Variants in NTM observed in about 807,000 individuals in gnomAD.
NTM encodes the protein neurotrimin.
In NTM, 13 loss-of-function variants were observed where a neutral mutation model predicts 42.1. The ratio of observed to expected loss-of-function variants is 0.31; its 90% CI spans 0.20 to 0.49. NTM has a LOEUF of 0.49. Ranked by LOEUF, NTM falls within the 20% of genes least tolerant of loss-of-function variation. The probability of loss-of-function intolerance (pLI) is 0.99; values close to 1 mark genes in which losing one functional copy is unlikely to be tolerated. For synonymous variants in NTM, 187 were observed against 179.2 expected (o/e 1.04, Z -0.35); for missense variants, 373 against 452.8 (o/e 0.82, Z 1.60).
intron 2 of NTM, among the ~76,000 whole-genome samples, chr11:132,032,451 G>A (rs1252247813): frequency 6.6e-6 from 1 of 152,168 alleles, no homozygotes; most frequent in South Asian, 2.1e-4. Flanking sequence ...CTTGAATGTA[G>A]TGAAAGTATT....
At chr11:131,818,078 C>T (rs1308314482) in intron 1 of NTM, among the ~76,000 whole-genome samples, 1 of 152,186 alleles carries the variant, frequency 6.6e-6, no homozygotes, top group African/African-American at 2.4e-5. Context: ...TGGCACCCAC[C>T]AGTCATCAAC....
chr11:131,708,996 G>A (rs1272341431), intron 1 of NTM, among the ~76,000 whole-genome samples: 5 of 152,138 alleles, frequency 3.3e-5, no homozygotes, highest in African/African-American at 7.2e-5. Flanking sequence ...GAACAAATGC[G>A]TGAAAGCCAC....
intron 1 of NTM, among the ~76,000 whole-genome samples, chr11:131,465,149 A>ACCCT (rs914794938): frequency 9.2e-5 from 14 of 152,076 alleles, no homozygotes; most frequent in Admixed American, 3.3e-4. Context: ...CAGTGGCATG[A>ACCCT]CCCTCCCATT....
chr11:131,499,690 A>T (rs745682423), intron 1 of NTM, among the ~76,000 whole-genome samples: 2 of 152,030 alleles, frequency 1.3e-5, no homozygotes, highest in South Asian at 4.2e-4. Context: ...CTCCCCTGCT[A>T]ACAATTCTCC....
intron 1 of NTM, chr11:131,911,353 G>T: frequency 6.6e-7 from 1 of 1,523,228 alleles, no homozygotes. Flanking sequence ...TCCTCCCCGC[G>T]CCTCCCGGTC....
chr11:132,052,552 G>A (rs2079001040), intron 2 of NTM, among the ~76,000 whole-genome samples: 1 of 152,294 alleles, frequency 6.6e-6, no homozygotes, highest in Admixed American at 6.5e-5. Flanking sequence ...TTCCAGAAGA[G>A]TGATAGATAA....
intron 1 of NTM, among the ~76,000 whole-genome samples, chr11:131,763,465 A>G (rs1226491168): frequency 6.6e-6 from 1 of 152,212 alleles, no homozygotes; most frequent in Non-Finnish European, 1.5e-5. Flanking sequence ...AAATTTTGAG[A>G]TAATTTAAAA....
At position 132,253,400 on chromosome 11, in the gene NTM, T is replaced by A. The variant is rs1045842224; in HGVS notation, c.526+41253T>A. On this transcript the variant is annotated intron_variant, in intron 4 of 8. Coordinates refer to ENST00000683400, the MANE Select transcript of NTM (RefSeq NM_001352005.2). ...ATTTCATCCAAGGTCTGGCTAACTC[T>A]AACATAATGTTTGTTTTCATCACAC... 4.6e-5 allele frequency among the ~76,000 whole-genome samples: 7 copies of A among 152,316 alleles called. No homozygotes were observed. The East Asian group carries it at 1.4e-3, about 29-fold the overall frequency.
At chr11:131,745,719 G>A (rs2081740131) in intron 1 of NTM, among the ~76,000 whole-genome samples, 1 of 151,248 alleles carries the variant, frequency 6.6e-6, no homozygotes, top group South Asian at 2.1e-4. Flanking sequence ...TATAGTAGGT[G>A]GTGAGAAAAA....
intron 2 of NTM, among the ~76,000 whole-genome samples, chr11:131,938,087 G>T (rs1309214503): frequency 1.3e-5 from 2 of 152,216 alleles, no homozygotes; most frequent in East Asian, 3.8e-4. Context: ...GGACAGGATT[G>T]TAAGTGGTCA....
chr11:131,495,428 G>A (rs1029789665), intron 1 of NTM, among the ~76,000 whole-genome samples: 2 of 152,250 alleles, frequency 1.3e-5, no homozygotes, highest in African/African-American at 4.8e-5. Flanking sequence ...TGTGGCCCAG[G>A]GGCCAGGAAA....
intron 2 of NTM, among the ~76,000 whole-genome samples, chr11:132,011,134 A>G (rs79873041): frequency 0.018 from 2,796 of 152,124 alleles, 34 homozygotes; most frequent in South Asian, 0.033. Flanking sequence ...TTAGGTCTAC[A>G]ATTTGTAAAA....
At chr11:131,747,020 G>T (rs1219705461) in intron 1 of NTM, among the ~76,000 whole-genome samples, 1 of 152,132 alleles carries the variant, frequency 6.6e-6, no homozygotes, top group Non-Finnish European at 1.5e-5. Context: ...GAAGAAAAAT[G>T]ACATACATAT....
rs57360845 is a variant in NTM, at chr11:132,003,247, G to GT, written c.167+91608dup. 0.51 allele frequency among the ~76,000 whole-genome samples: 74,467 copies of GT among 145,218 alleles called. 19,658 individuals carry two copies. Among genetic ancestry groups the GT allele is most frequent in the East Asian group, 0.93 (4,531 of 4,898 alleles). On this transcript the variant is annotated intron_variant, in intron 2 of 8. Transcript: ENST00000683400. The surrounding 1 kb of genome is among the most constrained non-coding windows in gnomAD (Gnocchi z 6.0). Reference sequence around the variant, plus strand: ...GGATTCCTCCACCCACACCCTTAGAGTTTTTTTTTCTTTTTTTTTTTTGAC... The same window carrying GT: ...GGATTCCTCCACCCACACCCTTAGAGTTTTTTTTTTCTTTTTTTTTTTTGAC...
intron 1 of NTM, among the ~76,000 whole-genome samples, chr11:131,846,572 T>A (rs891859401): frequency 2.0e-5 from 3 of 152,220 alleles, no homozygotes; most frequent in African/African-American, 7.2e-5. Flanking sequence ...CCAAATATTT[T>A]AAAATTATTG....
chr11:132,319,568 G>C (rs986348936), intron 7 of NTM, among the ~76,000 whole-genome samples: 1 of 152,228 alleles, frequency 6.6e-6, no homozygotes, highest in African/African-American at 2.4e-5. Context: ...GCAAGGCTGG[G>C]GGAGGGGCGC....
intron 1 of NTM, among the ~76,000 whole-genome samples, chr11:131,456,773 ATG>A (rs1950937772): frequency 6.6e-6 from 1 of 152,192 alleles, no homozygotes; most frequent in Non-Finnish European, 1.5e-5. Context: ...TGACACTAGC[ATG>A]TTCCTTTGAG....
At chr11:131,642,238 A>C (rs1195814313) in intron 1 of NTM, among the ~76,000 whole-genome samples, 1 of 152,174 alleles carries the variant, frequency 6.6e-6, no homozygotes, top group African/African-American at 2.4e-5. Context: ...AGCAAGCTCT[A>C]GCTTGTGAAG....
At chr11:132,170,913 A>G (rs2076025659) in intron 3 of NTM, among the ~76,000 whole-genome samples, 1 of 152,192 alleles carries the variant, frequency 6.6e-6, no homozygotes, top group Non-Finnish European at 1.5e-5. Context: ...GAGGATGCCT[A>G]TTGTAGTCCT....
Sources: gnomAD v4.1 joint callset for allele counts (sites outside exome capture counted in the v4.1 genomes callset) on GRCh38, gnomAD v4.1.1 for gene constraint, Gnocchi (gnomAD v3.1) non-coding constraint, MANE v1.5 for transcripts, NCBI Gene and HGNC (gene_info 2026-07-23, HGNC 2026-07-21) for gene names.